Variants in JARID2 observed in about 807,000 individuals in gnomAD.
JARID2 encodes jumonji and AT-rich interaction domain containing 2, also known as protein Jumonji.
Under a neutral mutation model 125.6 loss-of-function variants are expected in JARID2, and 21 were observed. That is an observed-to-expected ratio of 0.17 (90% confidence interval 0.12 to 0.24). The LOEUF (loss-of-function observed/expected upper bound fraction) is 0.24. Ranked by LOEUF, JARID2 falls within the 10% of genes least tolerant of loss-of-function variation. The pLI is 1.00. For missense variants in JARID2, 1,303 were observed against 1,639.6 expected, an observed-to-expected ratio of 0.79 and a Z score of 3.55; for synonymous variants, 736 against 661.6, an observed-to-expected ratio of 1.11 and a Z score of -1.73.
At chr6:15,274,487 G>T (rs1561761715) in intron 1 of JARID2, among the ~76,000 whole-genome samples, 1 of 152,198 alleles carries the variant, frequency 6.6e-6, no homozygotes. Context: ...AAGAGGAAAT[G>T]TGTGGGAAAA....
chr6:15,471,857 T>C lies in JARID2; in HGVS notation c.670+3139T>C, dbSNP rs116518671. On this transcript the variant is annotated intron_variant, in intron 5 of 17. Transcript: ENST00000341776. The stretch of plus-strand genomic sequence containing the variant: ...TAAAGGAGGGCATAATGATTCTACA[T>C]TGACCACTGTCATTGCCACTAGGAG... 3.3e-3 allele frequency among the ~76,000 whole-genome samples: 505 copies of C among 152,256 alleles called. 4 individuals carry two copies. Among genetic ancestry groups the C allele is most frequent in the African/African-American group, 0.012 (485 of 41,548 alleles).
chr6:15,463,268 C>A (rs955196009), intron 4 of JARID2, among the ~76,000 whole-genome samples: 5 of 152,102 alleles, frequency 3.3e-5, no homozygotes, highest in Non-Finnish European at 7.4e-5. Context: ...GGTTACTTTT[C>A]TAAAATGAGA....
intron 4 of JARID2, among the ~76,000 whole-genome samples, chr6:15,452,536 C>T (rs1767964543): frequency 6.6e-6 from 1 of 152,072 alleles, no homozygotes; most frequent in Non-Finnish European, 1.5e-5. Flanking sequence ...TTTTTTGATG[C>T]AGGACTTTGG....
intron 3 of JARID2, among the ~76,000 whole-genome samples, chr6:15,441,766 TTTTC>T (rs1328987794): frequency 6.6e-6 from 1 of 152,056 alleles, no homozygotes; most frequent in African/African-American, 2.4e-5. Flanking sequence ...TTCCACTGGA[TTTTC>T]TTTATTTATT....
intron 1 of JARID2, among the ~76,000 whole-genome samples, chr6:15,333,080 C>T (rs939272672): frequency 6.6e-6 from 1 of 151,602 alleles, no homozygotes; most frequent in African/African-American, 2.4e-5. Context: ...CTACAGGCGC[C>T]CACCACCAGG....
chr6:15,512,872 A>G (rs1771345704), intron 14 of JARID2, 43 bp from the exon 15 acceptor site: 1 of 1,594,442 alleles, frequency 6.3e-7, no homozygotes. Flanking sequence ...ACAGCTGCCT[A>G]GTAATGAAAA....
chr6:15,417,717 G>T (rs540031000), intron 3 of JARID2, among the ~76,000 whole-genome samples: 21 of 152,224 alleles, frequency 1.4e-4, no homozygotes, highest in African/African-American at 5.1e-4. Context: ...ACTCCATCCT[G>T]GGGGACAGAT....
intron 1 of JARID2, among the ~76,000 whole-genome samples, chr6:15,319,784 A>G (rs1291651019): frequency 6.6e-6 from 1 of 152,216 alleles, no homozygotes; most frequent in African/African-American, 2.4e-5. Flanking sequence ...TTATATGATG[A>G]AAAACTACCT....
At chr6:15,466,499 C>G (rs555972214) in intron 4 of JARID2, among the ~76,000 whole-genome samples, 9 of 152,130 alleles carry the variant, frequency 5.9e-5, no homozygotes, top group African/African-American at 2.2e-4. Flanking sequence ...CTAAAACTTA[C>G]AAGTTCTCTC....
intron 1 of JARID2, among the ~76,000 whole-genome samples, chr6:15,253,357 C>T (rs1231804478): frequency 6.6e-6 from 1 of 152,110 alleles, no homozygotes; most frequent in Non-Finnish European, 1.5e-5. Context: ...GCCACCGTGC[C>T]TGGCCAAATA....
At chr6:15,247,994 G>C (rs972106828) in intron 1 of JARID2, 58 of 985,314 alleles carry the variant, frequency 5.9e-5, no homozygotes, top group Non-Finnish European at 6.6e-5. Context: ...AAATGGGGTA[G>C]AACTTGGACG....
intron 4 of JARID2, among the ~76,000 whole-genome samples, chr6:15,468,046 C>T (rs1359474360): frequency 6.6e-6 from 1 of 151,916 alleles, no homozygotes; most frequent in Non-Finnish European, 1.5e-5. Context: ...AAAGTAACTT[C>T]CAAAACTATT....
chr6:15,250,563 CAATG>C (rs1159688229), intron 1 of JARID2, among the ~76,000 whole-genome samples: 3 of 152,152 alleles, frequency 2.0e-5, no homozygotes, highest in African/African-American at 7.2e-5. Context: ...AAGGAAGACA[CAATG>C]AAGTCCAAAG....
chr6:15,465,880 T>A (rs1169854296), intron 4 of JARID2, among the ~76,000 whole-genome samples: 1 of 152,098 alleles, frequency 6.6e-6, no homozygotes, highest in African/African-American at 2.4e-5. Context: ...CTCGGCTCAC[T>A]GCAACCTTCG....
chr6:15,246,622 T>C, intron 1 of JARID2, 38 bp downstream of exon 1: 2 of 1,525,470 alleles, frequency 1.3e-6, no homozygotes, highest in Non-Finnish European at 1.8e-6. Context: ...GACTTGCAGT[T>C]TTAAGCAATG....
At chr6:15,302,055 G>T (rs1561780533) in intron 1 of JARID2, among the ~76,000 whole-genome samples, 1 of 152,140 alleles carries the variant, frequency 6.6e-6, no homozygotes, top group East Asian at 1.9e-4. Context: ...AATGAAAGAT[G>T]ATGATTCCTG....
At chr6:15,336,872 G>C (rs115783246) in intron 1 of JARID2, among the ~76,000 whole-genome samples, 1 of 152,000 alleles carries the variant, frequency 6.6e-6, no homozygotes, top group Non-Finnish European at 1.5e-5. Flanking sequence ...ATTCTGTTGC[G>C]CAGTCAGGAT....
intron 1 of JARID2, among the ~76,000 whole-genome samples, chr6:15,337,761 G>A (rs1762928620): frequency 1.3e-5 from 2 of 149,566 alleles, no homozygotes; most frequent in Non-Finnish European, 3.0e-5. Context: ...CTCTGTTTCT[G>A]ATAGGGAAGT....
intron 13 of JARID2, among the ~76,000 whole-genome samples, 182 bp from the exon 14 acceptor site, chr6:15,512,026 C>T (rs1437133428): frequency 6.6e-6 from 1 of 152,234 alleles, no homozygotes; most frequent in African/African-American, 2.4e-5. Context: ...CCTGTCATCA[C>T]TCTTGGACCA....
Sources: allele counts gnomAD v4.1 joint callset (sites outside exome capture counted in the v4.1 genomes callset), GRCh38; gene constraint gnomAD v4.1.1; transcripts MANE v1.5; gene names NCBI Gene and HGNC (gene_info 2026-07-23, HGNC 2026-07-21).